The following SLC22A2 variants were observed in gnomAD, a reference collection of about 807,000 sequenced individuals.
SLC22A2 encodes solute carrier family 22 member 2.
In SLC22A2, 46 loss-of-function variants were observed where a neutral mutation model predicts 60.5. The ratio of observed to expected loss-of-function variants is 0.76; its 90% CI spans 0.60 to 0.97. The LOEUF (loss-of-function observed/expected upper bound fraction) is 0.97. Ranked by LOEUF, SLC22A2 falls within the 50% of genes least tolerant of loss-of-function variation. The pLI is 0.00. For missense variants in SLC22A2, 701 were observed against 706.6 expected (o/e 0.99, Z 0.09); for synonymous variants, 303 against 267.0 (o/e 1.13, Z -1.31).
At chr6:160,224,861 T>C in intron 9 of SLC22A2, 57 bp from the exon 10 acceptor site, 7 of 1,017,446 alleles carry the variant, frequency 6.9e-6, no homozygotes, top group Non-Finnish European at 9.9e-6. Context: ...AGGTCTATAA[T>C]TAGAGTTTCC....
rs1169137015 is a variant in SLC22A2, at chr6:160,245,310, C to A, written c.1064+129G>T. 3 of 538,674 alleles carry A rather than the reference C, an allele frequency of 5.6e-6. No homozygotes were observed. In the Admixed American group the frequency reaches 1.1e-4, roughly 19 times the overall value. 33.4% of individuals were successfully genotyped at this position (538,674 alleles called of 1,614,324 possible). A position where few individuals can be genotyped will look rare whatever the true frequency, so the allele number is the denominator to read the frequency against. On this transcript the variant is annotated intron_variant, in intron 6 of 10. Transcript: ENST00000366953. ...AACACGATCAGGAAAACCTACCAGACACAACCCACATTGCTGCCCACCGTC... is the reference window on the plus strand; with the variant it reads ...AACACGATCAGGAAAACCTACCAGAAACAACCCACATTGCTGCCCACCGTC...
intron 9 of SLC22A2, among the ~76,000 whole-genome samples, chr6:160,240,003 G>T (rs779004890): frequency 6.6e-6 from 1 of 152,166 alleles, no homozygotes; most frequent in African/African-American, 2.4e-5. Flanking sequence ...AGCCTTAGGA[G>T]TGAAGTGGTG....
At chr6:160,230,948 C>T (rs1258239766) in intron 9 of SLC22A2, among the ~76,000 whole-genome samples, 1 of 151,956 alleles carries the variant, frequency 6.6e-6, no homozygotes, top group African/African-American at 2.4e-5. Context: ...CAGATCTGCT[C>T]AGCTTAGCAG....
At chr6:160,234,139 G>A (rs1282327297) in intron 9 of SLC22A2, among the ~76,000 whole-genome samples, 1 of 151,432 alleles carries the variant, frequency 6.6e-6, no homozygotes, top group Non-Finnish European at 1.5e-5. Context: ...GCCCCTGCCT[G>A]CCGAGAACTA....
chr6:160,223,646 A>G (rs543301648), intron 10 of SLC22A2, among the ~76,000 whole-genome samples: 2 of 152,248 alleles, frequency 1.3e-5, no homozygotes, highest in African/African-American at 4.8e-5. Flanking sequence ...AGTCCTGTAC[A>G]TATATCACTT....
chr6:160,245,553 A>G lies in SLC22A2; in HGVS notation c.958-8T>C. On this transcript the variant is annotated splice_region_variant and splice_polypyrimidine_tract_variant and intron_variant, in intron 5 of 10. Coordinates refer to ENST00000366953, the MANE Select transcript of SLC22A2 (RefSeq NM_003058.4). ...CTCTTCAAGTCTCAGGCGCTAAGAA[A>G]AGGAATAGAAAGGACGGCTTTGTAT... 6 of 1,550,468 alleles carry G rather than the reference A, an allele frequency of 3.9e-6. No homozygotes were observed. The East Asian group carries it at 1.3e-4, about 35-fold the overall frequency.
At chr6:160,248,945 A>G (rs1783139109) in intron 4 of SLC22A2, among the ~76,000 whole-genome samples, 1 of 152,222 alleles carries the variant, frequency 6.6e-6, no homozygotes, top group Admixed American at 6.5e-5. Context: ...AGCTCCTAGA[A>G]GCTAATTTAA....
intron 9 of SLC22A2, among the ~76,000 whole-genome samples, chr6:160,225,642 T>A (rs997986277): frequency 2.0e-5 from 3 of 152,204 alleles, no homozygotes; most frequent in Non-Finnish European, 4.4e-5. Flanking sequence ...CATTCCTATA[T>A]AAATTGGGAT....
chr6:160,253,096 C>A (rs1783214034), intron 2 of SLC22A2, among the ~76,000 whole-genome samples: 1 of 152,160 alleles, frequency 6.6e-6, no homozygotes, highest in South Asian at 2.1e-4. Context: ...GGAAAGAATT[C>A]AAGGGCAAGC....
At chr6:160,234,233 G>A (rs530897867) in intron 9 of SLC22A2, among the ~76,000 whole-genome samples, 15 of 151,834 alleles carry the variant, frequency 9.9e-5, no homozygotes, top group African/African-American at 2.9e-4. Context: ...CTCTCTTTTC[G>A]GACTCAGCCT....
Position 160,224,116 on chromosome 6 carries a change from C to T in SLC22A2, c.1601+589G>A, listed in dbSNP as rs200345262. On this transcript the variant is annotated intron_variant, in intron 10 of 10. Coordinates refer to ENST00000366953, the MANE Select transcript of SLC22A2 (RefSeq NM_003058.4). ...AGCAACACGGGAGACTACATTTCTCCCCATTCTTCCCCAACATAGTGTGTT... is the reference window on the plus strand; with the variant it reads ...AGCAACACGGGAGACTACATTTCTCTCCATTCTTCCCCAACATAGTGTGTT... 9.8e-5 allele frequency among the ~76,000 whole-genome samples: 15 copies of T among 152,286 alleles called. No individual in the cohort carries two copies. The East Asian group carries it at 2.1e-3, about 22-fold the overall frequency.
At chr6:160,233,437 G>A (rs1782858281) in intron 9 of SLC22A2, among the ~76,000 whole-genome samples, 1 of 151,636 alleles carries the variant, frequency 6.6e-6, no homozygotes, top group Admixed American at 6.6e-5. Flanking sequence ...AAGGTAAAAT[G>A]GACTAATGGT....
intron 9 of SLC22A2, among the ~76,000 whole-genome samples, chr6:160,234,795 C>T (rs1359916329): frequency 6.6e-6 from 1 of 152,238 alleles, no homozygotes; most frequent in Non-Finnish European, 1.5e-5. Context: ...CGGAAACCAG[C>T]CAATGCTGTA....
intron 9 of SLC22A2, among the ~76,000 whole-genome samples, chr6:160,229,433 A>C (rs1782781113): frequency 6.6e-6 from 1 of 151,894 alleles, no homozygotes; most frequent in East Asian, 1.9e-4. Context: ...CCCACATTTC[A>C]TTGGTGTCTG....
intron 7 of SLC22A2, 71 bp from the exon 8 acceptor site, chr6:160,242,473 G>A: frequency 1.1e-6 from 1 of 872,752 alleles, no homozygotes; most frequent in Non-Finnish European, 2.0e-6. Context: ...CTCCAGAGTG[G>A]GACTGTAAGG....
chr6:160,226,485 G>A (rs1358588971), intron 9 of SLC22A2, among the ~76,000 whole-genome samples: 1 of 152,178 alleles, frequency 6.6e-6, no homozygotes, highest in Non-Finnish European at 1.5e-5. Flanking sequence ...CCAGTCAAAT[G>A]CGGCCAACTG....
chr6:160,232,810 T>C (rs1368818054), intron 9 of SLC22A2, among the ~76,000 whole-genome samples: 1 of 151,780 alleles, frequency 6.6e-6, no homozygotes, highest in African/African-American at 2.4e-5. Flanking sequence ...CGGCAGTTTT[T>C]CTCCTTCTCA....
intron 2 of SLC22A2, 88 bp downstream of exon 2, chr6:160,256,526 G>A: frequency 1.2e-6 from 1 of 846,810 alleles, no homozygotes; most frequent in Admixed American, 1.8e-5. Context: ...GCTTGGGAAA[G>A]GATGGGATTC....
chr6:160,222,955 AG>A (rs1782666873), intron 10 of SLC22A2, among the ~76,000 whole-genome samples: 1 of 152,214 alleles, frequency 6.6e-6, no homozygotes. Context: ...GGTGGCCTGC[AG>A]GCTGCGAGTG....
Sources: allele counts gnomAD v4.1 joint callset (sites outside exome capture counted in the v4.1 genomes callset), GRCh38; gene constraint gnomAD v4.1.1; transcripts MANE v1.5; gene names NCBI Gene and HGNC (gene_info 2026-07-23, HGNC 2026-07-21).